The following SHROOM3 variants were observed in gnomAD, a reference collection of about 807,000 sequenced individuals.
SHROOM3 encodes protein Shroom3.
A neutral mutation model predicts 138.6 loss-of-function variants in SHROOM3; 47 were observed. The ratio of observed to expected loss-of-function variants is 0.34; its 90% CI spans 0.27 to 0.43. The LOEUF (loss-of-function observed/expected upper bound fraction) is 0.43, where lower values mean the gene tolerates loss of function less well. Ranked by LOEUF, SHROOM3 falls within the 20% of genes least tolerant of loss-of-function variation. SHROOM3 has a pLI of 1.00. For missense variants in SHROOM3, 2,491 were observed against 2,596.5 expected (o/e 0.96, Z 0.88); for synonymous variants, 1,062 against 1,063.3 (o/e 1.00, Z 0.02).
At chr4:76,689,294 ATCCGGTCC>A (rs1355680057) in intron 2 of SHROOM3, among the ~76,000 whole-genome samples, 1 of 140,858 alleles carries the variant, frequency 7.1e-6, no homozygotes, top group Non-Finnish European at 1.6e-5. Context: ...TGAAATGCAA[ATCCGGTCC>A]TGAGCTCCCG....
intron 2 of SHROOM3, among the ~76,000 whole-genome samples, chr4:76,623,028 T>C (rs931952349): frequency 3.3e-5 from 5 of 152,206 alleles, no homozygotes; most frequent in Non-Finnish European, 7.3e-5. Context: ...AAGATTATGA[T>C]TTACAGCATA....
In SHROOM3 at chr4:76,664,613, C is replaced by A. The variant is rs77220889; in HGVS notation, c.324-45543C>A. 6.6e-6 allele frequency among the ~76,000 whole-genome samples: 1 copy of A among 152,190 alleles called. No homozygotes were observed. Among genetic ancestry groups the A allele is most frequent in the Non-Finnish European group, 1.5e-5 (1 of 68,038 alleles). On this transcript the variant is annotated intron_variant, in intron 2 of 10. Transcript: ENST00000296043. This position sits in a 1 kb window ranked among gnomAD's most constrained non-coding sequence, Gnocchi z 4.2. Reference sequence around the variant, plus strand: ...CCTCTGGGTCTTTATGCTTTTGTTACTGTTGTATCGTTTTATTGTGGCAAA... The same window carrying A: ...CCTCTGGGTCTTTATGCTTTTGTTAATGTTGTATCGTTTTATTGTGGCAAA...
At chr4:76,620,070 C>CAAAAAAAAAAAA (rs68039696) in intron 2 of SHROOM3, among the ~76,000 whole-genome samples, 1 of 61,098 alleles carries the variant, frequency 1.6e-5, no homozygotes, top group Non-Finnish European at 3.2e-5. Context: ...GAATCTATCT[C>CAAAAAAAAAAAA]AAAAAAAAAA....
At chr4:76,673,657 T>C (rs1291994238) in intron 2 of SHROOM3, among the ~76,000 whole-genome samples, 2 of 152,244 alleles carry the variant, frequency 1.3e-5, no homozygotes, top group African/African-American at 2.4e-5. Flanking sequence ...TGTTCTTTAC[T>C]GTGTTTTTGT....
chr4:76,675,950 C>A (rs1288777088), intron 2 of SHROOM3, among the ~76,000 whole-genome samples: 5 of 152,118 alleles, frequency 3.3e-5, no homozygotes, highest in Non-Finnish European at 7.4e-5. Context: ...CTGATACAGG[C>A]TGAGGAACAA....
chr4:76,555,687 A>C lies in SHROOM3; in HGVS notation c.247A>C (p.Thr83Pro), dbSNP rs374105995. The C allele has an allele frequency of 6.2e-7, 1 of 1,613,978 alleles. No individual in the cohort carries two copies. Among genetic ancestry groups the C allele is most frequent in the Non-Finnish European group, 8.5e-7 (1 of 1,179,984 alleles). The change falls in exon 2 of 11, where the codon ACT (threonine) becomes CCT (proline). Residue 83 changes from threonine to proline, a missense_variant. Physicochemically the swap from Thr to Pro is conservative, Grantham distance 38. Coordinates refer to ENST00000296043, the MANE Select transcript of SHROOM3 (RefSeq NM_020859.4). Reference protein sequence around the residue: ...GDEVVHINEVTLSSSRKEAVS... With the variant: ...GDEVVHINEVPLSSSRKEAVS... The stretch of plus-strand genomic sequence containing the variant: ...TGAGGTTGTGCACATCAATGAGGTG[A>C]CTCTGAGCAGCTCCAGAAAGGAGGC...
At chr4:76,593,266 A>G (rs1734313686) in intron 2 of SHROOM3, among the ~76,000 whole-genome samples, 1 of 152,216 alleles carries the variant, frequency 6.6e-6, no homozygotes, top group South Asian at 2.1e-4. Flanking sequence ...TAATCAATCA[A>G]TAGTCAGAGG....
At position 76,484,782 on chromosome 4, in the gene SHROOM3, C is replaced by T. The variant is rs554179436; in HGVS notation, c.168+48562C>T. The stretch of plus-strand genomic sequence containing the variant: ...AGGATTGTAATTACAGTCTAAGCTT[C>T]GGAGCTGGTTGGGCCTGACATTTGA... On this transcript the variant is annotated intron_variant, in intron 1 of 10. Coordinates refer to ENST00000296043, the MANE Select transcript of SHROOM3 (RefSeq NM_020859.4). 2.0e-3 allele frequency among the ~76,000 whole-genome samples: 307 copies of T among 152,228 alleles called. 1 individual carries two copies. Among genetic ancestry groups the T allele is most frequent in the African/African-American group, 7.1e-3 (295 of 41,546 alleles).
intron 2 of SHROOM3, among the ~76,000 whole-genome samples, chr4:76,608,023 C>T (rs1207084427): frequency 6.6e-6 from 1 of 152,200 alleles, no homozygotes; most frequent in Non-Finnish European, 1.5e-5. Context: ...CAGGGGCCTG[C>T]AACCCACCCC....
chr4:76,738,621 C>T (rs558258907), intron 4 of SHROOM3, 140 bp from the exon 5 acceptor site: 1 of 926,338 alleles, frequency 1.1e-6, no homozygotes, highest in African/African-American at 1.6e-5. Context: ...CTGAGCAAGG[C>T]CCAAATATGG....
chr4:76,541,681 G>C (rs1275989823), intron 1 of SHROOM3, among the ~76,000 whole-genome samples: 1 of 151,894 alleles, frequency 6.6e-6, no homozygotes, highest in Non-Finnish European at 1.5e-5. Flanking sequence ...CCTTGTCACA[G>C]AATAGGCATT....
At chr4:76,459,342 C>G (rs1368706492) in intron 1 of SHROOM3, among the ~76,000 whole-genome samples, 1 of 152,090 alleles carries the variant, frequency 6.6e-6, no homozygotes. Flanking sequence ...CTCATTAGAC[C>G]TTCCCCATTA....
chr4:76,764,034 G>T (rs1722069828), intron 9 of SHROOM3, among the ~76,000 whole-genome samples: 1 of 152,132 alleles, frequency 6.6e-6, no homozygotes, highest in Non-Finnish European at 1.5e-5. Flanking sequence ...AATATTTAAA[G>T]TTATTAATAA....
chr4:76,598,912 C>T (rs1734446054), intron 2 of SHROOM3, among the ~76,000 whole-genome samples: 2 of 152,050 alleles, frequency 1.3e-5, no homozygotes, highest in African/African-American at 4.8e-5. Context: ...GATGTTAAGT[C>T]TGAAGGAAAA....
At chr4:76,751,015 T>C (rs563028534) in intron 6 of SHROOM3, among the ~76,000 whole-genome samples, 2 of 152,294 alleles carry the variant, frequency 1.3e-5, no homozygotes, top group Admixed American at 1.3e-4. Context: ...GGGAAAAGCA[T>C]AGGCATGGAA....
rs2110143554 is a variant in SHROOM3 at position 76,754,508 on chromosome 4, T to A, written c.4025T>A (p.Leu1342Gln). Residue 1342 changes from leucine to glutamine, a missense_variant, in exon 7 of 11, where the codon CTG becomes CAG. By Grantham distance (113) the Leu-to-Gln change is moderately radical (BLOSUM62 -2). Around this residue, in one of 4 missense-constraint regions of SHROOM3, gnomAD observed 1,733 missense variants for 1,661.6 expected, o/e 1.04. Coordinates refer to ENST00000296043, the MANE Select transcript of SHROOM3 (RefSeq NM_020859.4). The part of the protein sequence containing the change: ...PRPPLAGTQG[L>Q]VTDTRAAPLT... ...CCACCACTGGCAGGAACGCAAGGGC[T>A]GGTCACAGACACCAGGGCTGCACCC... The A allele has an allele frequency of 6.2e-7, 1 of 1,614,038 alleles. No homozygotes were observed. Among genetic ancestry groups the A allele is most frequent in the Non-Finnish European group, 8.5e-7 (1 of 1,179,946 alleles).
At chr4:76,769,380 TCCA>T (rs1343456486) in intron 9 of SHROOM3, among the ~76,000 whole-genome samples, 1 of 152,128 alleles carries the variant, frequency 6.6e-6, no homozygotes, top group Non-Finnish European at 1.5e-5. Context: ...TTGTCTTCTT[TCCA>T]TCTAGCTATT....
At chr4:76,579,907 C>T (rs1734015553) in intron 2 of SHROOM3, among the ~76,000 whole-genome samples, 1 of 152,210 alleles carries the variant, frequency 6.6e-6, no homozygotes, top group South Asian at 2.1e-4. Context: ...CTCCAGTCCA[C>T]GGCAAGCATT....
chr4:76,574,242 G>T (rs1228543082), intron 2 of SHROOM3, among the ~76,000 whole-genome samples: 1 of 152,080 alleles, frequency 6.6e-6, no homozygotes, highest in Non-Finnish European at 1.5e-5. Context: ...GTTGGGAGGG[G>T]TATCTTCTTT....
Sources: allele counts gnomAD v4.1 joint callset (sites outside exome capture counted in the v4.1 genomes callset), GRCh38; gene constraint gnomAD v4.1.1; regional missense constraint gnomAD v4.1.1; non-coding constraint Gnocchi (gnomAD v3.1); transcripts MANE v1.5; gene names NCBI Gene and HGNC (gene_info 2026-07-23, HGNC 2026-07-21).